Variants in CARS2 observed in about 807,000 individuals in gnomAD.
The protein encoded by CARS2 is probable cysteine--tRNA ligase, mitochondrial.
In CARS2, 52 loss-of-function variants were observed where a neutral mutation model predicts 68.8. The observed-to-expected ratio is 0.76, with a 90% CI of 0.61 to 0.95. CARS2 has a LOEUF of 0.95. Among genes scored for constraint, CARS2 ranks in the 40% least tolerant of loss-of-function variants. The pLI, the probability that CARS2 is intolerant of heterozygous loss-of-function variation, is 0.00. For synonymous variants in CARS2, 314 were observed against 303.6 expected (o/e 1.03, Z -0.36); for missense variants, 780 against 754.2 (o/e 1.03, Z -0.40).
chr13:110,684,015 G>A (rs1243426664), intron 5 of CARS2, among the ~76,000 whole-genome samples: 1 of 152,200 alleles, frequency 6.6e-6, no homozygotes, highest in East Asian at 1.9e-4. Flanking sequence ...GCAGAGCTGG[G>A]GAGGAGGCAC....
rs1046324498 is a variant in CARS2, at chr13:110,705,746, G to T, written c.224+124C>A. On this transcript the variant is annotated intron_variant, in intron 1 of 14. Transcript: ENST00000257347. This position sits in a 1 kb window ranked among gnomAD's most constrained non-coding sequence, Gnocchi z 4.0. Reference sequence around the variant, plus strand: ...CCTGCAAAAGCACCGCGCACCCCCAGCTTCTAGAACGGCGCCCTCCATGCA... The same window carrying T: ...CCTGCAAAAGCACCGCGCACCCCCATCTTCTAGAACGGCGCCCTCCATGCA... 4 of 1,536,788 alleles carry T rather than the reference G, an allele frequency of 2.6e-6. No individual in the cohort carries two copies. Among genetic ancestry groups the T allele is most frequent in the African/African-American group, 1.4e-5 (1 of 72,902 alleles).
chr13:110,700,366 C>G (rs1040038094), intron 3 of CARS2, among the ~76,000 whole-genome samples: 3 of 152,204 alleles, frequency 2.0e-5, no homozygotes, highest in African/African-American at 7.2e-5. Flanking sequence ...CGCACTGCAT[C>G]AATGTCCGGT....
In CARS2 at chr13:110,643,875, A is replaced by G. The variant is rs1241903807; in HGVS notation, c.1416+510T>C. On this transcript the variant is annotated intron_variant, in intron 13 of 14. Transcript: ENST00000257347. ...CAAAAATGCTCTTGAGTTACAACGG[A>G]AGAGAAGGAATGTGGAGAAGCCTGG... 1.2e-5 allele frequency: 3 copies of G among 259,832 alleles called. No individual in the cohort carries two copies. In the East Asian group the frequency reaches 2.9e-4, roughly 25 times the overall value. The allele number at this position is 259,832 out of a possible 1,614,324, so 16.1% of individuals were successfully genotyped here. A position where few individuals can be genotyped will look rare whatever the true frequency, so the allele number is the denominator to read the frequency against.
At chr13:110,686,944 G>A (rs1566726804) in intron 5 of CARS2, among the ~76,000 whole-genome samples, 1 of 151,652 alleles carries the variant, frequency 6.6e-6, no homozygotes, top group African/African-American at 2.4e-5. Flanking sequence ...GTGTGATCTC[G>A]GCTCACTGCA....
chr13:110,676,404 C>T lies in CARS2; in HGVS notation c.785+570G>A, dbSNP rs1444201569. 6.6e-6 allele frequency among the ~76,000 whole-genome samples: 1 copy of T among 152,114 alleles called. No homozygotes were observed. Among genetic ancestry groups the T allele is most frequent in the Non-Finnish European group, 1.5e-5 (1 of 68,016 alleles). On this transcript the variant is annotated intron_variant, in intron 7 of 14. Transcript: ENST00000257347. This position sits in a 1 kb window ranked among gnomAD's most constrained non-coding sequence, Gnocchi z 4.0. Reference sequence around the variant, plus strand: ...CAGAGTAGGGGATGCCGCAGTGGGCCAGGAGAGCAGTGTCGTGTGACTGAG... The same window carrying T: ...CAGAGTAGGGGATGCCGCAGTGGGCTAGGAGAGCAGTGTCGTGTGACTGAG...
intron 5 of CARS2, among the ~76,000 whole-genome samples, chr13:110,685,039 G>A (rs989103422): frequency 1.3e-5 from 2 of 152,142 alleles, no homozygotes; most frequent in Non-Finnish European, 2.9e-5. Flanking sequence ...CTGTGAAGAC[G>A]AGAATCCCTA....
intron 7 of CARS2, among the ~76,000 whole-genome samples, chr13:110,673,182 C>CT (rs1566695953): frequency 6.6e-6 from 1 of 151,684 alleles, no homozygotes; most frequent in Non-Finnish European, 1.5e-5. Context: ...TTACAATCAA[C>CT]AGAAAACAAG....
At chr13:110,663,712 C>A in intron 8 of CARS2, 194 bp from the exon 9 acceptor site, 4 of 1,386,432 alleles carry the variant, frequency 2.9e-6, no homozygotes. Flanking sequence ...GCCCTTGTTC[C>A]ACGGTGCAGG....
intron 3 of CARS2, among the ~76,000 whole-genome samples, chr13:110,696,942 A>G (rs6416408): frequency 1 from 151,513 of 152,260 alleles, 75,387 homozygotes; most frequent in Middle Eastern, 1. Flanking sequence ...GACACCCTCC[A>G]AGTACACTGT....
At position 110,705,515 on chromosome 13, in the gene CARS2, A is replaced by G; in HGVS notation, c.275+6T>C. The G allele has an allele frequency of 6.3e-7, 1 of 1,581,164 alleles. No homozygotes were observed. The stretch of plus-strand genomic sequence containing the variant: ...AAGTATGAAAATTCAAATCCAGGAA[A>G]CTCACCAAGCATGGCCAAGGTGCGC... On this transcript the variant is annotated splice_donor_region_variant and intron_variant, in intron 2 of 14. Transcript: ENST00000257347. This position sits in a 1 kb window ranked among gnomAD's most constrained non-coding sequence, Gnocchi z 4.0.
Position 110,642,297 on chromosome 13 carries a change from C to T in CARS2, c.1623+18G>A, listed in dbSNP as rs1371067835. 2.6e-6 allele frequency: 4 copies of T among 1,542,936 alleles called. No individual in the cohort carries two copies. The highest frequency in any genetic ancestry group is 2.6e-6 in the Non-Finnish European group (3 of 1,141,360). Reference sequence around the variant, plus strand: ...CCGGCTCCTGGGGTGATGTCCCTGACCTTGGTGCGGCACTCACCTTGATGT... The same window carrying T: ...CCGGCTCCTGGGGTGATGTCCCTGATCTTGGTGCGGCACTCACCTTGATGT... On this transcript the variant is annotated intron_variant, in intron 14 of 14. Coordinates refer to ENST00000257347, the MANE Select transcript of CARS2 (RefSeq NM_024537.4).
At chr13:110,662,433 G>A (rs546061901) in intron 9 of CARS2, among the ~76,000 whole-genome samples, 1 of 152,330 alleles carries the variant, frequency 6.6e-6, no homozygotes, top group East Asian at 1.9e-4. Context: ...CCGTGGCCCC[G>A]GGCTCCAACC....
chr13:110,677,143 G>A (rs768847015), intron 6 of CARS2, 40 bp from the exon 7 acceptor site: 10 of 1,564,430 alleles, frequency 6.4e-6, no homozygotes, highest in Non-Finnish European at 8.7e-6. Context: ...AAGAAGCTCA[G>A]TCACCCCACC....
At chr13:110,704,869 G>A (rs1353254160) in intron 2 of CARS2, among the ~76,000 whole-genome samples, 1 of 152,040 alleles carries the variant, frequency 6.6e-6, no homozygotes, top group African/African-American at 2.4e-5. Context: ...CAAAATATTA[G>A]GAAAAGTGGT....
chr13:110,676,902 C>T lies in CARS2; in HGVS notation c.785+72G>A. ...GCCAGGCTGCACCTGCTCCCATGCA[C>T]ATCCTCTGCTGCCCTGAGCAGGCAC... is the stretch of plus-strand genomic sequence containing the variant. On this transcript the variant is annotated intron_variant, in intron 7 of 14. Coordinates refer to ENST00000257347, the MANE Select transcript of CARS2 (RefSeq NM_024537.4). This position sits in a 1 kb window ranked among gnomAD's most constrained non-coding sequence, Gnocchi z 4.0. The T allele has an allele frequency of 2.1e-6, 3 of 1,450,770 alleles. No homozygotes were observed. The highest frequency in any genetic ancestry group is 2.5e-5 in the East Asian group (1 of 39,530). The allele number at this position is 1,450,770 out of a possible 1,614,324, so 89.9% of individuals were successfully genotyped here. A position where few individuals can be genotyped will look rare whatever the true frequency, so the allele number is the denominator to read the frequency against.
chr13:110,689,398 G>A (rs946744479), intron 3 of CARS2, among the ~76,000 whole-genome samples: 3 of 152,190 alleles, frequency 2.0e-5, no homozygotes, highest in African/African-American at 7.2e-5. Context: ...CAAGCGCAAC[G>A]CCACACGTGG....
At chr13:110,704,614 C>T (rs1333864543) in intron 2 of CARS2, among the ~76,000 whole-genome samples, 3 of 152,096 alleles carry the variant, frequency 2.0e-5, no homozygotes, top group African/African-American at 7.2e-5. Context: ...ATCCCAGCTA[C>T]TCCGGAGGCT....
At chr13:110,672,210 C>G (rs189325639) in intron 7 of CARS2, among the ~76,000 whole-genome samples, 1 of 152,162 alleles carries the variant, frequency 6.6e-6, no homozygotes, top group Non-Finnish European at 1.5e-5. Context: ...CTGCACCAAG[C>G]GGACCTAATA....
At chr13:110,644,190 A>G (rs1057284157) in intron 13 of CARS2, 195 bp downstream of exon 13, 18 of 1,471,946 alleles carry the variant, frequency 1.2e-5, no homozygotes, top group Admixed American at 4.1e-5. Flanking sequence ...CAACTGCAGA[A>G]GTAGAATTGT....
Sources: allele counts gnomAD v4.1 joint callset (sites outside exome capture counted in the v4.1 genomes callset), GRCh38; gene constraint gnomAD v4.1.1; non-coding constraint Gnocchi (gnomAD v3.1); transcripts MANE v1.5; gene names NCBI Gene and HGNC (gene_info 2026-07-23, HGNC 2026-07-21).